Variants in DLGAP1 observed in about 807,000 individuals in gnomAD.
DLGAP1 encodes the protein DLG associated protein 1, also known as disks large-associated protein 1.
Under a neutral mutation model 90.8 loss-of-function variants are expected in DLGAP1, and 11 were observed. The observed-to-expected ratio is 0.12, with a 90% CI of 0.08 to 0.20. DLGAP1 has a LOEUF of 0.20. DLGAP1 is among the 10% of genes least tolerant of loss of function. DLGAP1 has a pLI of 1.00. For synonymous variants in DLGAP1, 558 were observed against 540.7 expected (o/e 1.03, Z -0.44); for missense variants, 1,050 against 1,333.8 (o/e 0.79, Z 3.31).
intron 1 of DLGAP1, among the ~76,000 whole-genome samples, chr18:4,165,439 T>C (rs2076917641): frequency 6.6e-6 from 1 of 152,124 alleles, no homozygotes; most frequent in African/African-American, 2.4e-5. Flanking sequence ...ATTAGAAAAG[T>C]CTGTCACTAC....
intron 7 of DLGAP1, among the ~76,000 whole-genome samples, chr18:3,665,548 C>T (rs1459340253): frequency 6.6e-6 from 1 of 152,116 alleles, no homozygotes; most frequent in Non-Finnish European, 1.5e-5. Context: ...TCTACAAGTG[C>T]CCTTGTAATT....
chr18:4,100,768 A>G (rs1353949704), intron 2 of DLGAP1, among the ~76,000 whole-genome samples: 1 of 152,118 alleles, frequency 6.6e-6, no homozygotes, highest in Non-Finnish European at 1.5e-5. Context: ...CTCCATCACC[A>G]CTTGCTGCTT....
intron 1 of DLGAP1, among the ~76,000 whole-genome samples, chr18:4,436,005 G>T (rs1225524984): frequency 1.3e-5 from 2 of 152,124 alleles, no homozygotes; most frequent in Admixed American, 1.3e-4. Flanking sequence ...AAAGTGATGA[G>T]AACTATCAGC....
chr18:3,674,672 C>T (rs1274859143), intron 7 of DLGAP1, among the ~76,000 whole-genome samples: 6 of 151,920 alleles, frequency 3.9e-5, no homozygotes, highest in Non-Finnish European at 7.4e-5. Flanking sequence ...CTTTACCACC[C>T]CACTACCTCT....
At chr18:3,824,589 T>C (rs2067606702) in intron 4 of DLGAP1, among the ~76,000 whole-genome samples, 1 of 152,226 alleles carries the variant, frequency 6.6e-6, no homozygotes, top group African/African-American at 2.4e-5. Flanking sequence ...TATTTTCCTT[T>C]AGTCTATTAT....
chr18:3,614,686 CAAA>C (rs35764644), intron 7 of DLGAP1, among the ~76,000 whole-genome samples: 2 of 105,004 alleles, frequency 1.9e-5, no homozygotes, highest in Non-Finnish European at 1.9e-5. Context: ...ACTAAAAATA[CAAA>C]AAAAAAAAAA....
chr18:3,554,647 T>A (rs2053651327), intron 9 of DLGAP1, among the ~76,000 whole-genome samples: 1 of 152,192 alleles, frequency 6.6e-6, no homozygotes, highest in Admixed American at 6.5e-5. Context: ...GATGCTCCAT[T>A]TCAACTCCTG....
intron 7 of DLGAP1, chr18:3,603,205 TG>T (rs1463292389): frequency 4.6e-5 from 7 of 152,160 alleles, no homozygotes; most frequent in Non-Finnish European, 8.8e-5. Flanking sequence ...AGGCAAGTCT[TG>T]TCACCCTCAG....
chr18:3,668,718 C>A (rs997724932), intron 7 of DLGAP1, among the ~76,000 whole-genome samples: 1 of 152,166 alleles, frequency 6.6e-6, no homozygotes. Flanking sequence ...GAATGCTTGG[C>A]CCAGTGCACT....
chr18:4,368,377 A>G (rs1447251911), intron 1 of DLGAP1, among the ~76,000 whole-genome samples: 1 of 152,292 alleles, frequency 6.6e-6, no homozygotes. Context: ...TTATAAGATC[A>G]AAGTTTAAAT....
rs1385214844 is a variant in DLGAP1, at chr18:3,727,761, A to G, written c.1591+1374T>C. The G allele has an allele frequency of 6.6e-6, 1 of 152,186 alleles. No homozygotes were observed. Among genetic ancestry groups the G allele is most frequent in the Non-Finnish European group, 1.5e-5 (1 of 68,034 alleles). The allele number at this position is 152,186 out of a possible 1,614,324, so 9.4% of individuals were successfully genotyped here. ...TCTCTTCATAAATAACTCTCATTTA[A>G]TTTATTAACCTGTGGTTGTTCTTGG... On this transcript the variant is annotated intron_variant, in intron 7 of 12. Coordinates refer to ENST00000315677, the MANE Select transcript of DLGAP1 (RefSeq NM_004746.4). The surrounding 1 kb of genome is among the most constrained non-coding windows in gnomAD (Gnocchi z 4.7).
chr18:3,599,019 C>CT (rs2056755088), intron 7 of DLGAP1, among the ~76,000 whole-genome samples: 1 of 152,114 alleles, frequency 6.6e-6, no homozygotes, highest in African/African-American at 2.4e-5. Flanking sequence ...AGTGATCTGC[C>CT]CCCTTCAGCC....
chr18:4,380,491 C>T (rs1236043985), intron 1 of DLGAP1, among the ~76,000 whole-genome samples: 1 of 151,818 alleles, frequency 6.6e-6, no homozygotes, highest in African/African-American at 2.4e-5. Flanking sequence ...ACTCACAAAT[C>T]ACTCCCTTTC....
chr18:3,634,636 C>A (rs536423217), intron 7 of DLGAP1, among the ~76,000 whole-genome samples: 1 of 152,282 alleles, frequency 6.6e-6, no homozygotes, highest in African/African-American at 2.4e-5. Context: ...TTTTAAGACA[C>A]ACTTTGTGAT....
At chr18:4,434,486 T>C (rs1214977781) in intron 1 of DLGAP1, among the ~76,000 whole-genome samples, 1 of 152,190 alleles carries the variant, frequency 6.6e-6, no homozygotes, top group Non-Finnish European at 1.5e-5. Flanking sequence ...CACGTTACTC[T>C]CTTTCTTCCC....
chr18:3,605,099 C>G (rs904821426), intron 7 of DLGAP1, among the ~76,000 whole-genome samples: 1 of 152,160 alleles, frequency 6.6e-6, no homozygotes, highest in Non-Finnish European at 1.5e-5. Context: ...ACAAATCTCC[C>G]CTCAGGATAA....
rs150169139 is a variant in DLGAP1 at position 4,169,106 on chromosome 18, A to AT, written c.-266-17820dup. 2.7e-3 allele frequency among the ~76,000 whole-genome samples: 404 copies of AT among 151,980 alleles called. 3 individuals carry two copies. Among genetic ancestry groups the AT allele is most frequent in the Non-Finnish European group, 4.5e-3 (306 of 67,950 alleles). On this transcript the variant is annotated intron_variant, in intron 1 of 12. Transcript: ENST00000315677. ...GGATCATGCAGTAATTCTATGTGTA[A>AT]TTTTTTTTGAGGAAAAACCATATTG... is the stretch of plus-strand genomic sequence containing the variant.
At chr18:3,968,286 G>A (rs1027308572) in intron 3 of DLGAP1, among the ~76,000 whole-genome samples, 5 of 151,958 alleles carry the variant, frequency 3.3e-5, no homozygotes, top group African/African-American at 9.7e-5. Context: ...AAAAGGCAAC[G>A]CTAGATCTTA....
chr18:4,299,941 C>A (rs1035961127), intron 1 of DLGAP1, among the ~76,000 whole-genome samples: 2 of 152,124 alleles, frequency 1.3e-5, no homozygotes, highest in African/African-American at 4.8e-5. Flanking sequence ...TCTGTAAATT[C>A]ATACTTTCAA....
Sources: gnomAD v4.1 joint callset for allele counts (sites outside exome capture counted in the v4.1 genomes callset) on GRCh38, gnomAD v4.1.1 for gene constraint, Gnocchi (gnomAD v3.1) non-coding constraint, MANE v1.5 for transcripts, NCBI Gene and HGNC (gene_info 2026-07-23, HGNC 2026-07-21) for gene names.